The following ADGRB3 variants were observed in gnomAD, a reference collection of about 807,000 sequenced individuals.
ADGRB3 encodes the protein brain-specific angiogenesis inhibitor 3.
Under a neutral mutation model 193.4 loss-of-function variants are expected in ADGRB3, and 37 were observed. That is an observed-to-expected ratio of 0.19 (90% CI 0.15 to 0.25). The LOEUF (loss-of-function observed/expected upper bound fraction) is 0.25. Ranked by LOEUF, ADGRB3 falls within the 10% of genes least tolerant of loss-of-function variation. ADGRB3 has a pLI of 1.00. For synonymous variants in ADGRB3, 690 were observed against 644.2 expected, an observed-to-expected ratio of 1.07 and a Z score of -1.08; for missense variants, 1,637 against 1,852.9, an observed-to-expected ratio of 0.88 and a Z score of 2.14.
chr6:69,257,016 T>C (rs1454695784), intron 20 of ADGRB3, among the ~76,000 whole-genome samples: 2 of 152,162 alleles, frequency 1.3e-5, no homozygotes, highest in African/African-American at 4.8e-5. Context: ...TATTGATTTG[T>C]GTATTTTGAA....
intron 30 of ADGRB3, among the ~76,000 whole-genome samples, chr6:69,380,195 C>G (rs1264544841): frequency 1.3e-5 from 2 of 151,906 alleles, no homozygotes; most frequent in African/African-American, 4.8e-5. Flanking sequence ...AATGCTTTAT[C>G]TGGTGTAAGT....
At chr6:68,808,023 A>G (rs1397675633) in intron 3 of ADGRB3, among the ~76,000 whole-genome samples, 17 of 152,212 alleles carry the variant, frequency 1.1e-4, no homozygotes, top group Non-Finnish European at 2.5e-4. Flanking sequence ...TTAAGAAAGG[A>G]CTAAAATATT....
chr6:68,813,711 C>G (rs1767566383), intron 3 of ADGRB3, among the ~76,000 whole-genome samples: 1 of 152,120 alleles, frequency 6.6e-6, no homozygotes, highest in Admixed American at 6.5e-5. Context: ...CCCCACTCCC[C>G]TCATCCCACA....
intron 3 of ADGRB3, among the ~76,000 whole-genome samples, chr6:68,718,721 G>A (rs889662434): frequency 3.3e-5 from 5 of 151,734 alleles, no homozygotes; most frequent in Non-Finnish European, 7.4e-5. Flanking sequence ...ATTTATCACA[G>A]TATACCTTGT....
At chr6:68,908,444 C>T (rs1182128017) in intron 3 of ADGRB3, among the ~76,000 whole-genome samples, 1 of 152,038 alleles carries the variant, frequency 6.6e-6, no homozygotes, top group East Asian at 1.9e-4. Flanking sequence ...TTTCACTATT[C>T]CTCTTCACCT....
chr6:68,926,674 TATCTC>T (rs1383230407), intron 3 of ADGRB3, among the ~76,000 whole-genome samples: 1 of 152,174 alleles, frequency 6.6e-6, no homozygotes, highest in Non-Finnish European at 1.5e-5. Context: ...TAATGACTCT[TATCTC>T]CTCATCTATC....
chr6:68,982,852 C>T (rs1284487641), intron 10 of ADGRB3, among the ~76,000 whole-genome samples: 1 of 152,142 alleles, frequency 6.6e-6, no homozygotes, highest in Non-Finnish European at 1.5e-5. Context: ...TGCTCTGCCT[C>T]ACCCGTGCTT....
intron 17 of ADGRB3, among the ~76,000 whole-genome samples, chr6:69,092,744 G>A (rs1477845145): frequency 6.6e-6 from 1 of 152,100 alleles, no homozygotes; most frequent in East Asian, 1.9e-4. Context: ...GACCCAGGGA[G>A]GTCACTCACA....
chr6:69,017,197 T>C (rs1770117764), intron 12 of ADGRB3, among the ~76,000 whole-genome samples: 1 of 151,968 alleles, frequency 6.6e-6, no homozygotes, highest in African/African-American at 2.4e-5. Context: ...GCCTGATTTT[T>C]AGACGGGCAC....
At chr6:69,160,022 C>G (rs1018218286) in intron 17 of ADGRB3, among the ~76,000 whole-genome samples, 1 of 152,230 alleles carries the variant, frequency 6.6e-6, no homozygotes, top group East Asian at 1.9e-4. Flanking sequence ...TTAATCCCTT[C>G]TTAATACTTT....
rs3798972 is a variant in ADGRB3 at position 68,964,459 on chromosome 6, A to G, written c.1525+7650A>G. 4.9e-4 allele frequency among the ~76,000 whole-genome samples: 75 copies of G among 152,268 alleles called. 1 individual carries two copies. The East Asian group carries it at 0.013, about 26-fold the overall frequency. ...TTCTCCCAGTGTGCCTCCAAATACT[A>G]TCATTTCTACATATGCTATGACCTA... On this transcript the variant is annotated intron_variant, in intron 8 of 31. Transcript: ENST00000370598.
intron 17 of ADGRB3, among the ~76,000 whole-genome samples, chr6:69,098,614 A>G (rs560779403): frequency 1.6e-4 from 24 of 152,306 alleles, no homozygotes; most frequent in Non-Finnish European, 3.1e-4. Flanking sequence ...ACTCACTATC[A>G]TGAGAACTGC....
At chr6:68,956,575 C>A (rs1768082607) in intron 7 of ADGRB3, 70 bp from the exon 8 acceptor site, 1 of 1,576,226 alleles carries the variant, frequency 6.3e-7, no homozygotes, top group Non-Finnish European at 8.7e-7. Context: ...TAGTAACATT[C>A]TCAGATTTTA....
At chr6:68,998,983 T>A (rs1318364286) in intron 11 of ADGRB3, among the ~76,000 whole-genome samples, 2 of 152,196 alleles carry the variant, frequency 1.3e-5, no homozygotes, top group African/African-American at 2.4e-5. Context: ...TTGTGCCCTG[T>A]ATGTAAGAAA....
intron 3 of ADGRB3, among the ~76,000 whole-genome samples, chr6:68,824,181 A>C (rs1206452082): frequency 6.6e-6 from 1 of 151,738 alleles, no homozygotes; most frequent in African/African-American, 2.4e-5. Context: ...CTTATATTAG[A>C]TCTAGATGAG....
intron 3 of ADGRB3, among the ~76,000 whole-genome samples, chr6:68,840,369 CTTTTTT>C (rs752625602): frequency 5.8e-5 from 4 of 69,428 alleles, no homozygotes; most frequent in East Asian, 7.4e-4. Flanking sequence ...ACTGGGCAGT[CTTTTTT>C]TTTTTTTTTT....
intron 3 of ADGRB3, among the ~76,000 whole-genome samples, chr6:68,802,275 G>A (rs1226483180): frequency 2.0e-5 from 3 of 151,966 alleles, no homozygotes; most frequent in African/African-American, 7.3e-5. Context: ...CATTGAGTAG[G>A]TGGATTAATT....
chr6:68,800,130 T>G (rs1767283970), intron 3 of ADGRB3, among the ~76,000 whole-genome samples: 1 of 152,124 alleles, frequency 6.6e-6, no homozygotes, highest in South Asian at 2.1e-4. Context: ...TGTCTTGGAC[T>G]AGGAAGATAG....
intron 3 of ADGRB3, among the ~76,000 whole-genome samples, chr6:68,653,376 G>A (rs1045355906): frequency 6.6e-6 from 1 of 151,994 alleles, no homozygotes; most frequent in African/African-American, 2.4e-5. Context: ...GAACAGTTGT[G>A]GTGTGCTAAA....
Sources: gnomAD v4.1 joint callset for allele counts (sites outside exome capture counted in the v4.1 genomes callset) on GRCh38, gnomAD v4.1.1 for gene constraint, MANE v1.5 for transcripts, NCBI Gene and HGNC (gene_info 2026-07-23, HGNC 2026-07-21) for gene names.